HS3ST5: variants seen among roughly 807,000 people sequenced by gnomAD.
HS3ST5 encodes heparan sulfate glucosamine 3-O-sulfotransferase 5.
Under a neutral mutation model 25.4 loss-of-function variants are expected in HS3ST5, and 10 were observed. That is an observed-to-expected ratio of 0.39 (90% confidence interval 0.24 to 0.67). HS3ST5 has a LOEUF of 0.67. Ranked by LOEUF, HS3ST5 falls within the 30% of genes least tolerant of loss-of-function variation. HS3ST5 has a pLI of 0.44. For missense variants in HS3ST5, 324 were observed against 420.7 expected (o/e 0.77, Z 2.01); for synonymous variants, 170 against 162.4 (o/e 1.05, Z -0.36).
intron 1 of HS3ST5, among the ~76,000 whole-genome samples, chr6:114,334,776 C>T (rs1776541968): frequency 6.6e-6 from 1 of 152,146 alleles, no homozygotes; most frequent in Non-Finnish European, 1.5e-5. Flanking sequence ...ATGCATATCC[C>T]AGAATGTATC....
At chr6:114,278,790 T>C (rs1773979843) in intron 1 of HS3ST5, among the ~76,000 whole-genome samples, 1 of 152,026 alleles carries the variant, frequency 6.6e-6, no homozygotes, top group South Asian at 2.1e-4. Context: ...TCTCTGCATA[T>C]AATTTCATGC....
intron 2 of HS3ST5, among the ~76,000 whole-genome samples, chr6:114,180,348 A>G (rs545645280): frequency 2.8e-4 from 42 of 152,224 alleles, no homozygotes; most frequent in Non-Finnish European, 4.3e-4. Flanking sequence ...CTGCCATAAC[A>G]AAATGCCATA....
intron 1 of HS3ST5, among the ~76,000 whole-genome samples, chr6:114,323,676 G>GGCA (rs1298385088): frequency 2.5e-4 from 38 of 152,124 alleles, no homozygotes; most frequent in Non-Finnish European, 4.9e-4. Flanking sequence ...GGTATATGAT[G>GGCA]TGGCATACAA....
At chr6:114,103,815 C>T (rs1336915205) in intron 3 of HS3ST5, among the ~76,000 whole-genome samples, 3 of 148,956 alleles carry the variant, frequency 2.0e-5, no homozygotes, top group Middle Eastern at 6.9e-3. Context: ...TTCGGCCTCC[C>T]GAGTAGCTGG....
chr6:114,167,123 C>T (rs1004298935), intron 3 of HS3ST5, among the ~76,000 whole-genome samples: 1 of 152,162 alleles, frequency 6.6e-6, no homozygotes, highest in African/African-American at 2.4e-5. Context: ...GCAGCTGGGA[C>T]TACAGGCACA....
intron 1 of HS3ST5, among the ~76,000 whole-genome samples, chr6:114,229,512 T>A (rs1051504561): frequency 6.6e-6 from 1 of 152,150 alleles, no homozygotes; most frequent in African/African-American, 2.4e-5. Flanking sequence ...TAACAATAGT[T>A]CTCAGAGAAG....
intron 1 of HS3ST5, among the ~76,000 whole-genome samples, chr6:114,328,741 A>C (rs1375413709): frequency 1.3e-5 from 2 of 152,222 alleles, no homozygotes; most frequent in Non-Finnish European, 2.9e-5. Flanking sequence ...TGCAGCTGTC[A>C]GTAATTACTA....
At chr6:114,210,799 A>G (rs890742066) in intron 2 of HS3ST5, among the ~76,000 whole-genome samples, 4 of 152,242 alleles carry the variant, frequency 2.6e-5, no homozygotes, top group African/African-American at 9.6e-5. Context: ...TAAAATTTCT[A>G]CGTAAATTGA....
chr6:114,307,036 T>C (rs1342260892), intron 1 of HS3ST5, among the ~76,000 whole-genome samples: 1 of 152,200 alleles, frequency 6.6e-6, no homozygotes, highest in Non-Finnish European at 1.5e-5. Flanking sequence ...AGCATGAACA[T>C]CTTACTATAT....
At chr6:114,318,130 A>T (rs1388303903) in intron 1 of HS3ST5, among the ~76,000 whole-genome samples, 1 of 151,982 alleles carries the variant, frequency 6.6e-6, no homozygotes, top group Non-Finnish European at 1.5e-5. Flanking sequence ...ACCATTTAAC[A>T]CCTTGCTATT....
At chr6:114,241,379 C>T (rs1005799766) in intron 1 of HS3ST5, among the ~76,000 whole-genome samples, 3 of 152,148 alleles carry the variant, frequency 2.0e-5, no homozygotes, top group Non-Finnish European at 4.4e-5. Flanking sequence ...TTTCCATTCT[C>T]TGCTTCTGTT....
intron 1 of HS3ST5, among the ~76,000 whole-genome samples, chr6:114,321,737 C>T (rs1316916642): frequency 1.3e-5 from 2 of 152,000 alleles, no homozygotes. Flanking sequence ...GCAAAATATG[C>T]ATGTCAATGT....
chr6:114,164,559 A>C (rs1779119273), intron 3 of HS3ST5, among the ~76,000 whole-genome samples: 1 of 152,156 alleles, frequency 6.6e-6, no homozygotes, highest in African/African-American at 2.4e-5. Flanking sequence ...AGGCTTTGAC[A>C]AAGGACATCT....
intron 1 of HS3ST5, among the ~76,000 whole-genome samples, chr6:114,329,786 T>A (rs1443362313): frequency 2.0e-5 from 3 of 152,176 alleles, no homozygotes; most frequent in Non-Finnish European, 2.9e-5. Flanking sequence ...ACTCCAATAG[T>A]CCTTGTGTGC....
chr6:114,190,955 T>C (rs1780473378), intron 2 of HS3ST5, among the ~76,000 whole-genome samples: 3 of 152,198 alleles, frequency 2.0e-5, no homozygotes, highest in African/African-American at 4.8e-5. Flanking sequence ...GAATAGATTA[T>C]TGGGGGGTGA....
At chr6:114,302,430 T>A (rs972022813) in intron 1 of HS3ST5, among the ~76,000 whole-genome samples, 13 of 152,158 alleles carry the variant, frequency 8.5e-5, no homozygotes, top group Non-Finnish European at 1.8e-4. Flanking sequence ...CATGGCTATA[T>A]CCAAGCACAT....
chr6:114,101,519 C>T (rs1237913215), intron 3 of HS3ST5, among the ~76,000 whole-genome samples: 1 of 151,996 alleles, frequency 6.6e-6, no homozygotes, highest in Non-Finnish European at 1.5e-5. Flanking sequence ...ATCAAAAGCT[C>T]CAAAAATATT....
intron 1 of HS3ST5, among the ~76,000 whole-genome samples, chr6:114,335,869 GTCTTGA>G (rs1251880998): frequency 1.3e-5 from 2 of 152,060 alleles, no homozygotes; most frequent in East Asian, 3.9e-4. Flanking sequence ...GGCCAGGATG[GTCTTGA>G]TCTCTTGACC....
In HS3ST5 at chr6:114,058,230, A is replaced by T. The variant is rs768712606; in HGVS notation, c.108-40T>A. 1.5e-5 allele frequency: 22 copies of T among 1,477,868 alleles called. No homozygotes were observed. In the Admixed American group the frequency reaches 3.3e-4, roughly 22 times the overall value. The allele number at this position is 1,477,868 out of a possible 1,614,324, so 91.5% of individuals were successfully genotyped here. ...GAGACACTTTAAGCTCATTGCAACTAACTTTTCATTTTTCTGGTTCCCCAG... is the reference window on the plus strand; with the variant it reads ...GAGACACTTTAAGCTCATTGCAACTTACTTTTCATTTTTCTGGTTCCCCAG... On this transcript the variant is annotated intron_variant, in intron 4 of 4. Coordinates refer to ENST00000312719, the MANE Select transcript of HS3ST5 (RefSeq NM_153612.4).
Sources: allele counts gnomAD v4.1 joint callset (sites outside exome capture counted in the v4.1 genomes callset), GRCh38; gene constraint gnomAD v4.1.1; transcripts MANE v1.5; gene names NCBI Gene and HGNC (gene_info 2026-07-23, HGNC 2026-07-21).